Variants in PIEZO1 observed in about 807,000 individuals in gnomAD.
The protein encoded by PIEZO1 is piezo type mechanosensitive ion channel component 1 (Er blood group).
In PIEZO1, 296 loss-of-function variants were observed where a neutral mutation model predicts 297.2. The observed-to-expected ratio is 1.00, with a 90% confidence interval of 0.91 to 1.10. PIEZO1 has a LOEUF of 1.10. Among genes scored for constraint, PIEZO1 ranks in the 50% least tolerant of loss-of-function variants. The pLI, the probability that PIEZO1 is intolerant of heterozygous loss-of-function variation, is 0.00. For synonymous variants in PIEZO1, 2,427 were observed against 1,507.5 expected (o/e 1.61, Z -14.13); for missense variants, 5,018 against 3,455.5 (o/e 1.45, Z -11.34).
At chr16:88,720,564 TAC>T (rs2142761936) in intron 40 of PIEZO1, 32 bp from the exon 41 acceptor site, 1 of 1,542,118 alleles carries the variant, frequency 6.5e-7, no homozygotes, top group East Asian at 2.5e-5. Flanking sequence ...CTGGGCCCAG[TAC>T]CCGCCTCCCC....
chr16:88,750,805 C>A (rs1413103469), intron 1 of PIEZO1, among the ~76,000 whole-genome samples: 1 of 152,218 alleles, frequency 6.6e-6, no homozygotes, highest in African/African-American at 2.4e-5. Flanking sequence ...GGAAAGGCGC[C>A]TCATGCTGCC....
chr16:88,739,688 A>AGGGCTGCAG (rs969378943), intron 5 of PIEZO1: 2 of 152,460 alleles, frequency 1.3e-5, no homozygotes, highest in African/African-American at 4.8e-5. Flanking sequence ...ACAGGCCTCC[A>AGGGCTGCAG]GGGCTGCAGG....
In PIEZO1 at chr16:88,720,295, A is replaced by G; in HGVS notation, c.5950-12T>C. On this transcript the variant is annotated splice_polypyrimidine_tract_variant and intron_variant, in intron 41 of 50. Coordinates refer to ENST00000301015, the MANE Select transcript of PIEZO1 (RefSeq NM_001142864.4). ...GCCGCCGAGTGCTTCTGTGGCCAGG[A>G]GAGCACAGGTCAGGGGGAGCCAAGC... The G allele has an allele frequency of 1.3e-6, 2 of 1,550,286 alleles. No individual in the cohort carries two copies. The highest frequency in any genetic ancestry group is 1.7e-6 in the Non-Finnish European group (2 of 1,146,928).
In PIEZO1 at chr16:88,737,804, G is replaced by A. The variant is rs911683642; in HGVS notation, c.1031C>T (p.Ala344Val). 53 of 1,535,622 alleles carry A rather than the reference G, an allele frequency of 3.5e-5. No homozygotes were observed. The highest frequency in any genetic ancestry group is 9.8e-5 in the Admixed American group (5 of 50,982). Residue 344 changes from alanine (A) to valine (V), a missense_variant, in exon 9 of 51, where the codon GCG (alanine) becomes GTG (valine). Physicochemically the swap from Ala to Val is moderately conservative, Grantham distance 64. Transcript: ENST00000301015. ...CTCCCGAGCCTCATACCCCTTTGCC[G>A]CCTCCTTCCTCTGCAGAGACCAGCG... ...AYRPSGQRKE[A>V]AKGYEARELE...
rs1347304836 is a variant in PIEZO1 at position 88,720,151 on chromosome 16, G to C, written c.6082C>G (p.Leu2028Val). ...DRALYLRKTV[L>V]GKLAFQVALV... Reference sequence around the variant, plus strand: ...GCCACCTGGAAGGCCAGCTTGCCCAGCACGGTCTTGCGCAGGTAGAGGGCG... The same window carrying C: ...GCCACCTGGAAGGCCAGCTTGCCCACCACGGTCTTGCGCAGGTAGAGGGCG... Residue 2028 changes from leucine (L) to valine (V), a missense_variant, in exon 42 of 51, where the codon CTG (leucine) becomes GTG (valine). Coordinates refer to ENST00000301015, the MANE Select transcript of PIEZO1 (RefSeq NM_001142864.4). The C allele has an allele frequency of 1.3e-6, 2 of 1,550,492 alleles. No homozygotes were observed. Among genetic ancestry groups the C allele is most frequent in the Non-Finnish European group, 1.7e-6 (2 of 1,146,990 alleles).
rs1905073585 is a variant in PIEZO1 at position 88,734,465 on chromosome 16, G to A, written c.2071C>T (p.Leu691Phe). The A allele has an allele frequency of 1.9e-6, 3 of 1,549,814 alleles. No individual in the cohort carries two copies. The highest frequency in any genetic ancestry group is 2.4e-5 in the South Asian group (2 of 84,056). Residue 691 changes from leucine to phenylalanine, a missense_variant, in exon 16 of 51, where the codon CTC (leucine) becomes TTC (phenylalanine). By Grantham distance (22) the Leu-to-Phe change is conservative. Transcript: ENST00000301015. ...FSSILVPGFF[L>F]LACILQLHYF... Reference sequence around the variant, plus strand: ...TGCAGCTGCAGGATGCAGGCCAGGAGGAAGAAGCCGGGCACCAGGATGCTG... The same window carrying A: ...TGCAGCTGCAGGATGCAGGCCAGGAAGAAGAAGCCGGGCACCAGGATGCTG...
rs1567678473 is a variant in PIEZO1 at position 88,741,585 on chromosome 16, GGATGGC to G, written c.352_357del (p.Ala118_Ile119del). On this transcript the variant is annotated inframe_deletion, in exon 5 of 51. Transcript: ENST00000301015. ...ATGCCCAGGTCAGGGGCCACCAGCC[GGATGGC>G]GTTGGGGATGTCCTTCAGGTCCAGC... 6 of 1,535,282 alleles carry G rather than the reference GGATGGC, an allele frequency of 3.9e-6. No individual in the cohort carries two copies. In the South Asian group the frequency reaches 7.1e-5, roughly 18 times the overall value.
intron 2 of PIEZO1, chr16:88,743,106 C>T (rs1191981764): frequency 2.2e-6 from 1 of 456,588 alleles, no homozygotes; most frequent in African/African-American, 2.0e-5. Flanking sequence ...CATCTGGTTG[C>T]CTGGCAGCCT....
intron 2 of PIEZO1, chr16:88,745,534 G>C (rs1402225388): frequency 3.9e-5 from 6 of 152,192 alleles, no homozygotes; most frequent in African/African-American, 1.2e-4. Flanking sequence ...CCTCAGGTCA[G>C]GAGTTTGAGA....
At chr16:88,784,479 C>A (rs1032487995) in intron 1 of PIEZO1, among the ~76,000 whole-genome samples, 1 of 149,440 alleles carries the variant, frequency 6.7e-6, no homozygotes, top group African/African-American at 2.4e-5. Context: ...AGTCCTGATG[C>A]AACTTTGCGC....
At chr16:88,743,559 C>A (rs992614000) in intron 2 of PIEZO1, 1 of 456,672 alleles carries the variant, frequency 2.2e-6, no homozygotes, top group Non-Finnish European at 4.4e-6. Context: ...GGCCTCGGGG[C>A]GCAAACTCAG....
intron 27 of PIEZO1, 180 bp downstream of exon 27, chr16:88,726,104 C>T (rs1022355099): frequency 9.8e-6 from 6 of 609,308 alleles, no homozygotes; most frequent in South Asian, 8.0e-5. Context: ...AGCACTGGGG[C>T]AGAGTGTGAT....
rs985772855 is a variant in PIEZO1 at position 88,768,313 on chromosome 16, G to A, written c.64+16588C>T. Among the ~76,000 whole-genome samples the A allele has an allele frequency of 3.9e-5, 6 of 152,186 alleles. No homozygotes were observed. In the South Asian group the frequency reaches 6.2e-4, roughly 16 times the overall value. ...ATAGCTGTTCCCACCACGGCAGGCC[G>A]GCTCCAAGAAGCTCCCCGGGCCAGG... On this transcript the variant is annotated intron_variant, in intron 1 of 50. Coordinates refer to ENST00000301015, the MANE Select transcript of PIEZO1 (RefSeq NM_001142864.4).
In PIEZO1 at chr16:88,734,617, C is replaced by T. The variant is rs933689569; in HGVS notation, c.1997+33G>A. 9.0e-6 allele frequency: 14 copies of T among 1,549,360 alleles called. No homozygotes were observed. In the African/African-American group the frequency reaches 1.8e-4, roughly 20 times the overall value. ...CCCGGGGAAGTGCACGGGGTTTCGGCGCCCCTGCCCCACCGCCCCAGCCTG... is the reference window on the plus strand; with the variant it reads ...CCCGGGGAAGTGCACGGGGTTTCGGTGCCCCTGCCCCACCGCCCCAGCCTG... On this transcript the variant is annotated intron_variant, in intron 15 of 50. Transcript: ENST00000301015.
chr16:88,723,447 C>T, intron 31 of PIEZO1, 119 bp from the exon 32 acceptor site: 1 of 1,158,068 alleles, frequency 8.6e-7, no homozygotes, highest in South Asian at 1.5e-5. Context: ...TCCCAGGGAC[C>T]TCCGTGTCCC....
At chr16:88,779,985 G>A (rs776126479) in intron 1 of PIEZO1, among the ~76,000 whole-genome samples, 22 of 152,186 alleles carry the variant, frequency 1.4e-4, no homozygotes, top group Non-Finnish European at 2.9e-4. Flanking sequence ...ACTTGGAAGC[G>A]GCTGTGAAGC....
chr16:88,758,978 T>C (rs1314124562), intron 1 of PIEZO1, among the ~76,000 whole-genome samples: 1 of 152,168 alleles, frequency 6.6e-6, no homozygotes, highest in South Asian at 2.1e-4. Flanking sequence ...CTGAGGAAGA[T>C]CCACACCAAG....
rs559567603 is a variant in PIEZO1, at chr16:88,733,281, G to C, written c.2661C>G (p.Thr887=). 6.5e-7 allele frequency: 1 copy of C among 1,540,088 alleles called. No individual in the cohort carries two copies. Among genetic ancestry groups the C allele is most frequent in the Non-Finnish European group, 8.8e-7 (1 of 1,138,450 alleles). ...CCCAGCCCTCGGGGGCCGGTACCTC[G>C]GTGCAGTTGCTGGAATACTCCTGGG... ...VNPQEYSSNC[T]EPFPNSTNLL... The change falls in exon 19 of 51, where the codon ACC becomes ACG. Residue 887 remains threonine, a synonymous_variant. Coordinates refer to ENST00000301015, the MANE Select transcript of PIEZO1 (RefSeq NM_001142864.4).
intron 1 of PIEZO1, among the ~76,000 whole-genome samples, chr16:88,783,838 C>A (rs991876400): frequency 6.6e-6 from 1 of 152,262 alleles, no homozygotes; most frequent in African/African-American, 2.4e-5. Flanking sequence ...CTCAGGCAGG[C>A]GGCTCTAGAT....
Sources: gnomAD v4.1 joint callset for allele counts (sites outside exome capture counted in the v4.1 genomes callset) on GRCh38, gnomAD v4.1.1 for gene constraint, MANE v1.5 for transcripts, NCBI Gene and HGNC (gene_info 2026-07-23, HGNC 2026-07-21) for gene names.